OPCML: variants seen among roughly 807,000 people sequenced by gnomAD.
OPCML encodes the protein opioid binding protein/cell adhesion molecule like, also known as opioid-binding protein/cell adhesion molecule.
OPCML carries 13 observed loss-of-function variants against 37.8 expected under a neutral mutation model. The observed-to-expected ratio is 0.34, with a 90% CI of 0.22 to 0.55. The LOEUF is 0.55. OPCML is among the 20% of genes least tolerant of loss of function. The pLI is 0.91. For missense variants in OPCML, 341 were observed against 435.6 expected, an observed-to-expected ratio of 0.78 and a Z score of 1.93; for synonymous variants, 176 against 168.8, an observed-to-expected ratio of 1.04 and a Z score of -0.33.
At chr11:133,438,819 A>G (rs1946298003) in intron 1 of OPCML, among the ~76,000 whole-genome samples, 1 of 152,136 alleles carries the variant, frequency 6.6e-6, no homozygotes, top group Non-Finnish European at 1.5e-5. Context: ...CAACGATTTA[A>G]TACATCAGGC....
intron 1 of OPCML, among the ~76,000 whole-genome samples, chr11:133,303,856 C>T (rs1229854701): frequency 2.0e-5 from 3 of 152,116 alleles, no homozygotes; most frequent in African/African-American, 7.2e-5. Context: ...GCAAATGATG[C>T]ACACACACAG....
At chr11:132,516,079 T>C (rs777726434) in intron 4 of OPCML, among the ~76,000 whole-genome samples, 43 of 152,166 alleles carry the variant, frequency 2.8e-4, no homozygotes, top group Non-Finnish European at 4.9e-4. Context: ...AAAAAAGTGA[T>C]TGGACACGAA....
intron 3 of OPCML, among the ~76,000 whole-genome samples, chr11:132,585,939 G>A (rs1029226293): frequency 6.6e-6 from 1 of 152,118 alleles, no homozygotes; most frequent in Non-Finnish European, 1.5e-5. Context: ...TTTGGAAAGG[G>A]GTAAGTTGTT....
At chr11:133,336,304 G>A (rs957437624) in intron 1 of OPCML, among the ~76,000 whole-genome samples, 1 of 151,974 alleles carries the variant, frequency 6.6e-6, no homozygotes, top group African/African-American at 2.4e-5. Flanking sequence ...GAGCCAAACA[G>A]GTTTTAGGAA....
At chr11:132,908,650 C>A (rs80020756) in intron 2 of OPCML, among the ~76,000 whole-genome samples, 1,762 of 152,322 alleles carry the variant, frequency 0.012, 43 homozygotes, top group African/African-American at 0.04. Flanking sequence ...ACCACAGCGC[C>A]ACCAGTTCTC....
intron 1 of OPCML, chr11:133,005,146 C>G: frequency 2.0e-6 from 2 of 985,378 alleles, no homozygotes; most frequent in Non-Finnish European, 2.4e-6. Context: ...CCTGCCTGCT[C>G]CTGCACCACT....
chr11:133,338,746 G>A (rs1286925096), intron 1 of OPCML, among the ~76,000 whole-genome samples: 1 of 152,212 alleles, frequency 6.6e-6, no homozygotes, highest in African/African-American at 2.4e-5. Context: ...TGGTTTGATA[G>A]AGATAGCTCT....
chr11:133,354,304 ACGTGTTGGTAG>A (rs1944227279), intron 1 of OPCML, among the ~76,000 whole-genome samples: 8 of 9,826 alleles, frequency 8.1e-4, no homozygotes, highest in Non-Finnish European at 1.2e-3. Flanking sequence ...GGTGGTGGTG[ACGTGTTGGTAG>A]TGGTGGTGGT....
intron 1 of OPCML, among the ~76,000 whole-genome samples, chr11:132,981,545 C>T (rs924628583): frequency 2.0e-5 from 3 of 152,106 alleles, no homozygotes; most frequent in South Asian, 4.1e-4. Context: ...CAGGAACCAC[C>T]GCACGTTTAT....
chr11:132,495,015 C>CT lies in OPCML; in HGVS notation c.505+34045dup, dbSNP rs35970569. On this transcript the variant is annotated intron_variant, in intron 4 of 7. Transcript: ENST00000524381. ...TTTCTCTCTCAACAATTGTGGATGACTTTTTTTTTTTTTTTCCTGGAGTGC... is the reference window on the plus strand; with the variant it reads ...TTTCTCTCTCAACAATTGTGGATGACTTTTTTTTTTTTTTTTCCTGGAGTGC... 9.6e-3 allele frequency among the ~76,000 whole-genome samples: 1,410 copies of CT among 146,408 alleles called. 14 individuals carry two copies. The highest frequency in any genetic ancestry group is 0.03 in the African/African-American group (1,199 of 40,110).
intron 1 of OPCML, among the ~76,000 whole-genome samples, chr11:133,157,648 C>T (rs559940823): frequency 4.6e-5 from 7 of 152,200 alleles, no homozygotes; most frequent in South Asian, 2.1e-4. Flanking sequence ...AACTAGCTCA[C>T]GGAGGGATAA....
intron 1 of OPCML, among the ~76,000 whole-genome samples, chr11:133,034,136 CT>C (rs1947724838): frequency 6.6e-6 from 1 of 152,138 alleles, no homozygotes; most frequent in Admixed American, 6.5e-5. Flanking sequence ...TGAGGGGATG[CT>C]CCTATAGGGG....
At chr11:132,621,632 G>A (rs1591635525) in intron 3 of OPCML, among the ~76,000 whole-genome samples, 1 of 152,302 alleles carries the variant, frequency 6.6e-6, no homozygotes, top group East Asian at 1.9e-4. Context: ...AAATGGGAAA[G>A]GGCGTGATTA....
intron 2 of OPCML, among the ~76,000 whole-genome samples, chr11:132,711,706 A>G (rs1944269574): frequency 6.6e-6 from 1 of 152,210 alleles, no homozygotes; most frequent in South Asian, 2.1e-4. Context: ...GTGTGTGTAC[A>G]TATACATGTG....
chr11:133,499,155 G>A (rs1947850255), intron 1 of OPCML, among the ~76,000 whole-genome samples: 1 of 152,126 alleles, frequency 6.6e-6, no homozygotes, highest in Non-Finnish European at 1.5e-5. Context: ...GCTCCCTCCA[G>A]AAGTCAACGT....
chr11:132,938,101 G>C (rs575687044), intron 2 of OPCML, among the ~76,000 whole-genome samples: 2 of 151,870 alleles, frequency 1.3e-5, no homozygotes, highest in African/African-American at 2.4e-5. Flanking sequence ...TAGATATAAG[G>C]GTTTCATTGC....
At chr11:133,033,239 T>C (rs1947706642) in intron 1 of OPCML, among the ~76,000 whole-genome samples, 1 of 152,206 alleles carries the variant, frequency 6.6e-6, no homozygotes, top group East Asian at 1.9e-4. Context: ...ATTCATTTAT[T>C]CCTTTTGATG....
At chr11:132,810,284 T>A (rs1402908589) in intron 2 of OPCML, among the ~76,000 whole-genome samples, 1 of 152,200 alleles carries the variant, frequency 6.6e-6, no homozygotes, top group Non-Finnish European at 1.5e-5. Context: ...GCTCTGGGCA[T>A]CCTTTCTGTT....
intron 1 of OPCML, among the ~76,000 whole-genome samples, chr11:133,036,114 A>T (rs1947778921): frequency 6.6e-6 from 1 of 152,344 alleles, no homozygotes; most frequent in East Asian, 1.9e-4. Context: ...AAAACTTTAA[A>T]GTCTACTTAA....
Sources: gnomAD v4.1 joint callset for allele counts (sites outside exome capture counted in the v4.1 genomes callset) on GRCh38, gnomAD v4.1.1 for gene constraint, MANE v1.5 for transcripts, NCBI Gene and HGNC (gene_info 2026-07-23, HGNC 2026-07-21) for gene names.